The following TENM2 variants were observed in gnomAD, a reference collection of about 807,000 sequenced individuals.
TENM2 encodes teneurin-2.
In TENM2, 52 loss-of-function variants were observed where a neutral mutation model predicts 245.2. That is an observed-to-expected ratio of 0.21 (90% CI 0.17 to 0.27). TENM2 has a LOEUF of 0.27. Among genes scored for constraint, TENM2 ranks in the 10% least tolerant of loss-of-function variants. TENM2 has a pLI of 1.00. For missense variants in TENM2, 3,046 were observed against 3,666.8 expected, an observed-to-expected ratio of 0.83 and a Z score of 4.37; for synonymous variants, 1,363 against 1,438.9, an observed-to-expected ratio of 0.95 and a Z score of 1.19.
intron 2 of TENM2, among the ~76,000 whole-genome samples, chr5:167,463,629 G>C (rs915663382): frequency 2.0e-5 from 3 of 151,934 alleles, no homozygotes; most frequent in Non-Finnish European, 2.9e-5. Context: ...CTCCCGAGTA[G>C]CTGGGATTAT....
the TENM2 span, among the ~76,000 whole-genome samples, chr5:167,235,618 T>C: frequency 6.6e-6 from 1 of 152,212 alleles, no homozygotes; most frequent in African/African-American, 2.4e-5. Flanking sequence ...TCTACTTTTC[T>C]CTGTAATGGC....
At chr5:167,008,227 T>C in the TENM2 span, among the ~76,000 whole-genome samples, 1 of 152,030 alleles carries the variant, frequency 6.6e-6, no homozygotes, top group African/African-American at 2.4e-5. Context: ...GCTTCAAACT[T>C]GTGTATATAT....
intron 27 of TENM2, 142 bp from the exon 30 acceptor site, chr5:168,260,141 A>G: frequency 7.4e-6 from 6 of 815,464 alleles, no homozygotes; most frequent in South Asian, 5.2e-5. Flanking sequence ...GTCTGGACTC[A>G]GGAGACAGTC....
chr5:167,689,181 C>T (rs1757265819), intron 2 of TENM2, among the ~76,000 whole-genome samples: 2 of 152,126 alleles, frequency 1.3e-5, no homozygotes, highest in South Asian at 2.1e-4. Flanking sequence ...GAACAGCCTT[C>T]AGATGGCAAT....
chr5:168,131,509 A>G (rs1754577690), intron 12 of TENM2, among the ~76,000 whole-genome samples: 2 of 152,160 alleles, frequency 1.3e-5, no homozygotes, highest in Admixed American at 1.3e-4. Context: ...GATGTTAATA[A>G]GGAAAATGAA....
chr5:167,197,785 T>C, the TENM2 span, among the ~76,000 whole-genome samples: 1 of 152,100 alleles, frequency 6.6e-6, no homozygotes, highest in Non-Finnish European at 1.5e-5. Context: ...TTCTCGGTTG[T>C]AAAATGTACT....
At chr5:167,613,811 A>G (rs1777617195) in intron 2 of TENM2, among the ~76,000 whole-genome samples, 1 of 152,182 alleles carries the variant, frequency 6.6e-6, no homozygotes, top group Admixed American at 6.5e-5. Flanking sequence ...AGAAAATACC[A>G]ATAGGTAAAT....
At chr5:168,215,172 G>A (rs769782284) in exon 21 of TENM2, 32 of 1,613,772 alleles carry the variant, frequency 2.0e-5, no homozygotes, top group African/African-American at 2.7e-5. Flanking sequence ...CTGGGAATTC[G>A]GAAGTTGTGG....
chr5:167,682,225 T>C (rs1031182009), intron 2 of TENM2, among the ~76,000 whole-genome samples: 37 of 151,606 alleles, frequency 2.4e-4, no homozygotes, highest in African/African-American at 8.0e-4. Flanking sequence ...TGCGGTGGCA[T>C]GATCTCGGCT....
At chr5:167,323,166 G>C (rs188155516) in intron 1 of TENM2, among the ~76,000 whole-genome samples, 2 of 152,196 alleles carry the variant, frequency 1.3e-5, no homozygotes, top group Admixed American at 6.5e-5. Flanking sequence ...GAGCTCGACC[G>C]AACTTTTGAG....
chr5:167,839,907 T>C (rs1309959678), intron 2 of TENM2, among the ~76,000 whole-genome samples: 2 of 152,166 alleles, frequency 1.3e-5, no homozygotes, highest in Admixed American at 6.5e-5. Context: ...AACCTCCGCC[T>C]CCCGGGTTCA....
rs990435138 is a variant in TENM2 at position 167,837,469 on chromosome 5, A to C, written c.503-38517A>C. The stretch of plus-strand genomic sequence containing the variant: ...ATTTTTCCCAGCACTAGATGTTAAC[A>C]TTTATTAAAATGTTGGTTTCATTAC... On this transcript the variant is annotated intron_variant, in intron 2 of 28. Transcript: ENST00000518659. 5.3e-5 allele frequency among the ~76,000 whole-genome samples: 8 copies of C among 152,158 alleles called. No homozygotes were observed. The East Asian group carries it at 1.5e-3, about 29-fold the overall frequency.
At chr5:167,101,849 T>TTATATATATATA in the TENM2 span, among the ~76,000 whole-genome samples, 266 of 69,380 alleles carry the variant, frequency 3.8e-3, 3 homozygotes, top group South Asian at 0.021. Flanking sequence ...ATATATATAT[T>TTATATATATATA]TATATATATA....
At chr5:167,198,446 C>T in the TENM2 span, among the ~76,000 whole-genome samples, 1 of 152,054 alleles carries the variant, frequency 6.6e-6, no homozygotes, top group African/African-American at 2.4e-5. Context: ...TTTTTCTACT[C>T]CCCATTACAT....
chr5:167,905,623 C>A (rs922005783), intron 3 of TENM2, among the ~76,000 whole-genome samples: 1 of 152,072 alleles, frequency 6.6e-6, no homozygotes, highest in Non-Finnish European at 1.5e-5. Context: ...GATGAGAAAA[C>A]GAGGGAGTCT....
chr5:167,945,404 T>C (rs1779531637), intron 3 of TENM2, among the ~76,000 whole-genome samples: 1 of 152,198 alleles, frequency 6.6e-6, no homozygotes, highest in African/African-American at 2.4e-5. Context: ...CACCTCAGTC[T>C]CCTCATCTTT....
chr5:168,176,144 A>G (rs1394671381), intron 13 of TENM2, among the ~76,000 whole-genome samples: 1 of 152,156 alleles, frequency 6.6e-6, no homozygotes, highest in East Asian at 1.9e-4. Context: ...GCGCTGGACT[A>G]TGGGTCCTCC....
chr5:168,214,516 G>A (rs1204384738), intron 20 of TENM2, among the ~76,000 whole-genome samples: 2 of 152,196 alleles, frequency 1.3e-5, no homozygotes, highest in African/African-American at 4.8e-5. Context: ...AGCAAGCTCT[G>A]AGCCTGGAGA....
the TENM2 span, among the ~76,000 whole-genome samples, chr5:166,998,789 G>A: frequency 1.3e-5 from 2 of 152,094 alleles, no homozygotes; most frequent in Admixed American, 6.6e-5. Flanking sequence ...TAAGAAATTC[G>A]ATTCTTTGGG....
Sources: allele counts gnomAD v4.1 joint callset (sites outside exome capture counted in the v4.1 genomes callset), GRCh38; gene constraint gnomAD v4.1.1; transcripts MANE v1.5; gene names NCBI Gene and HGNC (gene_info 2026-07-23, HGNC 2026-07-21).